The following EMILIN2 variants were observed in gnomAD, a reference collection of about 807,000 sequenced individuals.
EMILIN2 encodes elastin microfibril interfacer 2.
A neutral mutation model predicts 87.1 loss-of-function variants in EMILIN2; 71 were observed. That is an observed-to-expected ratio of 0.82 (90% CI 0.67 to 0.99). EMILIN2 has a LOEUF of 0.99. Ranked by LOEUF, EMILIN2 falls within the 50% of genes least tolerant of loss-of-function variation. EMILIN2 has a pLI of 0.00. For missense variants in EMILIN2, 1,407 were observed against 1,371.8 expected (o/e 1.03, Z -0.40); for synonymous variants, 581 against 563.4 (o/e 1.03, Z -0.44).
intron 4 of EMILIN2, among the ~76,000 whole-genome samples, chr18:2,902,216 G>A (rs772922681): frequency 3.9e-5 from 6 of 152,198 alleles, no homozygotes; most frequent in South Asian, 2.1e-4. Flanking sequence ...AGGAATTAGG[G>A]TGCATGGCCC....
At chr18:2,847,000 G>T, upstream of EMILIN2, 1 of 1,034,502 alleles carries the variant, frequency 9.7e-7, no homozygotes, top group Non-Finnish European at 1.2e-6. This position sits in a 1 kb window ranked among gnomAD's most constrained non-coding sequence, Gnocchi z 5.3. Flanking sequence ...GGGCGCACGG[G>T]GCTGCAGAAG....
chr18:2,911,579 T>TCAGATGAC (rs929570997), intron 7 of EMILIN2, among the ~76,000 whole-genome samples: 1 of 152,164 alleles, frequency 6.6e-6, no homozygotes, highest in African/African-American at 2.4e-5. Context: ...TGCAGGACCA[T>TCAGATGAC]CATCTGATGG....
Position 2,847,883 on chromosome 18 carries a change from C to T in EMILIN2, c.209C>T (p.Ala70Val), listed in dbSNP as rs755062782. Reference protein sequence around the residue: ...VLEGSESFIQAQYNCAWNQMP... With the variant: ...VLEGSESFIQVQYNCAWNQMP... The stretch of plus-strand genomic sequence containing the variant: ...GAGGGAAGTGAGAGTTTTATTCAGG[C>T]TCAGTACAACTGTGCCTGGAACCAG... Residue 70 changes from alanine (A) to valine (V), a missense_variant, in exon 2 of 8, where the codon GCT becomes GTT. Physicochemically the swap from Ala to Val is moderately conservative, Grantham distance 64. Coordinates refer to ENST00000254528, the MANE Select transcript of EMILIN2 (RefSeq NM_032048.3). The surrounding 1 kb of genome is among the most constrained non-coding windows in gnomAD (Gnocchi z 4.5). The T allele has an allele frequency of 1.9e-6, 3 of 1,613,530 alleles. No individual in the cohort carries two copies. Among genetic ancestry groups the T allele is most frequent in the Non-Finnish European group, 2.5e-6 (3 of 1,179,822 alleles).
At position 2,906,671 on chromosome 18, in the gene EMILIN2, A is replaced by G. The variant is rs534835752; in HGVS notation, c.2360-112A>G. ...GGCCTGACGTCGCAGGGGTGGCCGC[A>G]GAGTCCTCACGGGGACCCCGCTCGC... On this transcript the variant is annotated intron_variant, in intron 4 of 7. Coordinates refer to ENST00000254528, the MANE Select transcript of EMILIN2 (RefSeq NM_032048.3). 510 of 849,202 alleles carry G rather than the reference A, an allele frequency of 6.0e-4. 3 individuals carry two copies. The highest frequency in any genetic ancestry group is 4.2e-3 in the East Asian group (116 of 27,460). 52.6% of individuals were successfully genotyped at this position (849,202 alleles called of 1,614,324 possible). A position where few individuals can be genotyped will look rare whatever the true frequency, so the allele number is the denominator to read the frequency against.
At chr18:2,877,447 T>C (rs2076754859) in intron 2 of EMILIN2, among the ~76,000 whole-genome samples, 1 of 151,948 alleles carries the variant, frequency 6.6e-6, no homozygotes, top group African/African-American at 2.4e-5. Flanking sequence ...TTTTTTTTTT[T>C]TTTTTTTACA....
rs1220774436 is a variant in EMILIN2 at position 2,847,692 on chromosome 18, G to A, written c.135-117G>A. The A allele has an allele frequency of 1.4e-6, 2 of 1,446,730 alleles. No homozygotes were observed. Among genetic ancestry groups the A allele is most frequent in the East Asian group, 5.0e-5 (2 of 40,312 alleles). The allele number at this position is 1,446,730 out of a possible 1,614,324, so 89.6% of individuals were successfully genotyped here. ...GCTCGGTGAAGCTCCCGCCTCCGCA[G>A]AGGGCGACGGGCCCCCCCGACCCTC... On this transcript the variant is annotated intron_variant, in intron 1 of 7. Transcript: ENST00000254528. This position sits in a 1 kb window ranked among gnomAD's most constrained non-coding sequence, Gnocchi z 4.5.
In EMILIN2 at chr18:2,848,911, T is replaced by C. The variant is rs1394585156; in HGVS notation, c.257+980T>C. Among the ~76,000 whole-genome samples the C allele has an allele frequency of 6.6e-6, 1 of 152,180 alleles. No individual in the cohort carries two copies. Among genetic ancestry groups the C allele is most frequent in the African/African-American group, 2.4e-5 (1 of 41,440 alleles). On this transcript the variant is annotated intron_variant, in intron 2 of 7. Transcript: ENST00000254528. The surrounding 1 kb of genome is among the most constrained non-coding windows in gnomAD (Gnocchi z 4.1). The stretch of plus-strand genomic sequence containing the variant: ...CAGGAAACCTTATTCCAGAGAACAG[T>C]AGATGAGCCTGTAGTCTTATGGGAA...
chr18:2,888,512 G>T (rs938376844), intron 3 of EMILIN2, among the ~76,000 whole-genome samples: 2 of 151,928 alleles, frequency 1.3e-5, no homozygotes, highest in Non-Finnish European at 1.5e-5. Flanking sequence ...TCAGGAGATG[G>T]AGACCATCCT....
At chr18:2,912,986 A>C (rs899264666) in intron 7 of EMILIN2, 81 bp from the exon 8 acceptor site, 50 of 1,441,988 alleles carry the variant, frequency 3.5e-5, no homozygotes, top group Admixed American at 5.5e-5. Context: ...GGCCCAGGTT[A>C]ATCACTGGGG....
chr18:2,914,396 C>G lies in EMILIN2; in HGVS notation c.*992C>G, dbSNP rs1367325527. 1 of 152,204 alleles carries G rather than the reference C, an allele frequency of 6.6e-6. No individual in the cohort carries two copies. The highest frequency in any genetic ancestry group is 1.5e-5 in the Non-Finnish European group (1 of 68,036). 9.4% of individuals were successfully genotyped at this position (152,204 alleles called of 1,614,324 possible). Reference sequence around the variant, plus strand: ...CCCTGCTGCTTCACTGCACCAATCTCCAGCAGACACAGCTCGCCGAGCTCT... The same window carrying G: ...CCCTGCTGCTTCACTGCACCAATCTGCAGCAGACACAGCTCGCCGAGCTCT... On this transcript the variant is annotated 3_prime_UTR_variant, in exon 8 of 8. Coordinates refer to ENST00000254528, the MANE Select transcript of EMILIN2 (RefSeq NM_032048.3).
chr18:2,912,998 G>A (rs2076948454), intron 7 of EMILIN2, 69 bp from the exon 8 acceptor site: 10 of 1,526,198 alleles, frequency 6.6e-6, no homozygotes, highest in South Asian at 3.4e-5. Context: ...TCACTGGGGG[G>A]CCACTTACTA....
chr18:2,860,047 A>C (rs2076652442), intron 2 of EMILIN2, among the ~76,000 whole-genome samples: 1 of 152,106 alleles, frequency 6.6e-6, no homozygotes, highest in African/African-American at 2.4e-5. Context: ...TGCTTTGGCT[A>C]TGTGGGCTCT....
intron 2 of EMILIN2, among the ~76,000 whole-genome samples, chr18:2,858,583 G>GTGTGTGTGTGTGTGTGTGTGTATA (rs1180735843): frequency 3.2e-5 from 2 of 63,064 alleles, no homozygotes; most frequent in African/African-American, 1.9e-4. Context: ...GTGTGTGTGT[G>GTGTGTGTGTGTGTGTGTGTGTATA]TATATATATA....
At position 2,899,268 on chromosome 18, in the gene EMILIN2, A is replaced by G. The variant is rs986791351; in HGVS notation, c.2359+6782A>G. Among the ~76,000 whole-genome samples the G allele has an allele frequency of 5.3e-5, 8 of 152,130 alleles. 1 individual carries two copies. In the South Asian group the frequency reaches 6.2e-4, roughly 12 times the overall value. On this transcript the variant is annotated intron_variant, in intron 4 of 7. Coordinates refer to ENST00000254528, the MANE Select transcript of EMILIN2 (RefSeq NM_032048.3). ...ACCCACCCCAGGTAAGCTGTGCCCA[A>G]AAAGAAAGAGGAGGTGGGGGGGAGG...
chr18:2,912,959 A>C (rs1288581286), intron 7 of EMILIN2, 108 bp from the exon 8 acceptor site: 5 of 1,150,666 alleles, frequency 4.3e-6, no homozygotes, highest in Non-Finnish European at 6.2e-6. Context: ...GGGAAGACAG[A>C]GATGGCTGGT....
intron 2 of EMILIN2, among the ~76,000 whole-genome samples, chr18:2,855,006 G>C (rs964976488): frequency 6.6e-6 from 1 of 152,242 alleles, no homozygotes; most frequent in Non-Finnish European, 1.5e-5. Flanking sequence ...GCTGTTAGGA[G>C]GCTTGTTCCT....
intron 6 of EMILIN2, 47 bp from the exon 7 acceptor site, chr18:2,909,644 G>A: frequency 3.7e-6 from 6 of 1,602,304 alleles, no homozygotes; most frequent in East Asian, 2.3e-5. Context: ...TCCCCCTGGA[G>A]GACAGAAGCA....
At chr18:2,898,180 A>C (rs755756388) in intron 4 of EMILIN2, among the ~76,000 whole-genome samples, 2 of 152,132 alleles carry the variant, frequency 1.3e-5, no homozygotes, top group Non-Finnish European at 2.9e-5. Context: ...GTGACCCATG[A>C]GTGATTCATA....
chr18:2,905,776 T>G (rs965618025), intron 4 of EMILIN2, among the ~76,000 whole-genome samples: 9 of 95,612 alleles, frequency 9.4e-5, no homozygotes, highest in East Asian at 7.9e-4. Flanking sequence ...CTAATTTTTG[T>G]TTTTTTGTTT....
Sources: allele counts gnomAD v4.1 joint callset (sites outside exome capture counted in the v4.1 genomes callset), GRCh38; gene constraint gnomAD v4.1.1; non-coding constraint Gnocchi (gnomAD v3.1); transcripts MANE v1.5; gene names NCBI Gene and HGNC (gene_info 2026-07-23, HGNC 2026-07-21).